Variants in XPNPEP3 observed in about 807,000 individuals in gnomAD.
XPNPEP3 encodes xaa-Pro aminopeptidase 3.
In XPNPEP3, 41 loss-of-function variants were observed where a neutral mutation model predicts 60.0. That is an observed-to-expected ratio of 0.68 (90% confidence interval 0.53 to 0.89). The LOEUF is 0.89. XPNPEP3 is among the 40% of genes least tolerant of loss of function. The probability of loss-of-function intolerance (pLI) is 0.00; values close to 1 mark genes in which losing one functional copy is unlikely to be tolerated. For missense variants in XPNPEP3, 598 were observed against 638.9 expected, an observed-to-expected ratio of 0.94 and a Z score of 0.69; for synonymous variants, 212 against 223.2, an observed-to-expected ratio of 0.95 and a Z score of 0.45.
At chr22:40,904,582 A>G (rs758110384) in intron 4 of XPNPEP3, among the ~76,000 whole-genome samples, 2 of 152,118 alleles carry the variant, frequency 1.3e-5, no homozygotes, top group African/African-American at 2.4e-5. Flanking sequence ...CATGACAACA[A>G]TTATCTATGC....
intron 2 of XPNPEP3, among the ~76,000 whole-genome samples, chr22:40,870,745 G>A (rs751441408): frequency 1.3e-5 from 2 of 152,106 alleles, no homozygotes; most frequent in Non-Finnish European, 2.9e-5. Context: ...GGGGCCGGGC[G>A]CAGTGGCTCA....
chr22:40,857,842 C>T (rs1301614229), intron 1 of XPNPEP3, among the ~76,000 whole-genome samples: 2 of 152,124 alleles, frequency 1.3e-5, no homozygotes, highest in Non-Finnish European at 2.9e-5. Context: ...GCGGATCTGC[C>T]ATTGGATCGT....
Position 40,927,669 on chromosome 22 carries a change from T to C in XPNPEP3, c.*1234T>C, listed in dbSNP as rs1756354671. On this transcript the variant is annotated 3_prime_UTR_variant, in exon 10 of 10. Coordinates refer to ENST00000357137, the MANE Select transcript of XPNPEP3 (RefSeq NM_022098.4). Reference sequence around the variant, plus strand: ...GTGGGCGGATCACGAGGTCAGGAGATTGAGACCTCCTGGCTAACACGGTGA... The same window carrying C: ...GTGGGCGGATCACGAGGTCAGGAGACTGAGACCTCCTGGCTAACACGGTGA... 1.3e-5 allele frequency: 2 copies of C among 151,554 alleles called. No individual in the cohort carries two copies. Among genetic ancestry groups the C allele is most frequent in the Admixed American group, 1.3e-4 (2 of 15,208 alleles). The allele number at this position is 151,554 out of a possible 1,614,324, so 9.4% of individuals were successfully genotyped here. A position where few individuals can be genotyped will look rare whatever the true frequency, so the allele number is the denominator to read the frequency against.
In XPNPEP3 at chr22:40,927,892, A is replaced by AG. The variant is rs1491230222; in HGVS notation, c.*1458dup. ...TCCGTCTCAAAAAAAAAAAAAAAAA[A>AG]GAAAAAAAAAAGAAAGATTTCTTTC... On this transcript the variant is annotated 3_prime_UTR_variant, in exon 10 of 10. Transcript: ENST00000357137. 1.3e-5 allele frequency: 2 copies of AG among 151,460 alleles called. No individual in the cohort carries two copies. Among genetic ancestry groups the AG allele is most frequent in the African/African-American group, 2.4e-5 (1 of 41,260 alleles). 9.4% of individuals were successfully genotyped at this position (151,460 alleles called of 1,614,324 possible). A position where few individuals can be genotyped will look rare whatever the true frequency, so the allele number is the denominator to read the frequency against.
intron 8 of XPNPEP3, 59 bp downstream of exon 8, chr22:40,922,572 A>T (rs548968513): frequency 6.3e-7 from 1 of 1,583,800 alleles, no homozygotes; most frequent in African/African-American, 1.3e-5. Context: ...CTAGGTTTTT[A>T]CCCTATATAA....
chr22:40,891,179 C>CAAAAA (rs989825018), intron 4 of XPNPEP3, among the ~76,000 whole-genome samples: 17 of 43,940 alleles, frequency 3.9e-4, no homozygotes, highest in African/African-American at 1.6e-3. Context: ...CCCATTTCTA[C>CAAAAA]AAAAAAAAAA....
intron 1 of XPNPEP3, among the ~76,000 whole-genome samples, chr22:40,865,020 G>A (rs2057971131): frequency 6.6e-6 from 1 of 152,210 alleles, no homozygotes; most frequent in African/African-American, 2.4e-5. Context: ...TTTCAGTGGA[G>A]TGTAAAGTTA....
At chr22:40,914,701 T>C (rs1244178600) in intron 7 of XPNPEP3, among the ~76,000 whole-genome samples, 2 of 151,868 alleles carry the variant, frequency 1.3e-5, no homozygotes, top group Non-Finnish European at 2.9e-5. Flanking sequence ...GCTGGGACTA[T>C]AGGCACATTG....
intron 4 of XPNPEP3, among the ~76,000 whole-genome samples, chr22:40,904,846 C>T (rs555153974): frequency 6.6e-6 from 1 of 152,162 alleles, no homozygotes; most frequent in East Asian, 1.9e-4. Flanking sequence ...CTCACTGCCA[C>T]CTCCACCTTC....
intron 1 of XPNPEP3, chr22:40,862,280 A>G (rs2057954929): frequency 1.8e-6 from 2 of 1,112,458 alleles, no homozygotes; most frequent in African/African-American, 1.6e-5. Context: ...ACCATCCTGA[A>G]TCCTCTGGAC....
At chr22:40,906,169 G>A (rs943043371) in intron 4 of XPNPEP3, among the ~76,000 whole-genome samples, 17 of 152,064 alleles carry the variant, frequency 1.1e-4, no homozygotes, top group Non-Finnish European at 2.5e-4. Context: ...TCGAGCTCCT[G>A]AGCTCAAGCG....
At chr22:40,868,516 C>T (rs1051175831) in intron 1 of XPNPEP3, among the ~76,000 whole-genome samples, 2 of 151,650 alleles carry the variant, frequency 1.3e-5, no homozygotes, top group African/African-American at 4.9e-5. Context: ...TTTCTGTTTT[C>T]CTAAGGCCCA....
At chr22:40,864,599 C>T (rs911904048) in intron 1 of XPNPEP3, among the ~76,000 whole-genome samples, 1 of 152,014 alleles carries the variant, frequency 6.6e-6, no homozygotes, top group Non-Finnish European at 1.5e-5. Context: ...GCATGCACCA[C>T]CACGCCCGGC....
At chr22:40,895,625 G>A (rs543134398) in intron 4 of XPNPEP3, among the ~76,000 whole-genome samples, 2 of 151,792 alleles carry the variant, frequency 1.3e-5, no homozygotes, top group East Asian at 1.9e-4. Context: ...ATGAGCCACC[G>A]CACCCGGCCC....
At chr22:40,861,527 T>C (rs764328412) in intron 1 of XPNPEP3, 2 of 1,613,904 alleles carry the variant, frequency 1.2e-6, no homozygotes, top group Non-Finnish European at 1.7e-6. Flanking sequence ...GTGATGTATA[T>C]CCTGTATCAT....
At chr22:40,871,851 A>G (rs1466228084) in intron 2 of XPNPEP3, among the ~76,000 whole-genome samples, 11 of 152,056 alleles carry the variant, frequency 7.2e-5, no homozygotes, top group Admixed American at 7.2e-4. Flanking sequence ...TGGCCAACAT[A>G]GTGAAATCCC....
chr22:40,886,662 A>T (rs1208479427), intron 4 of XPNPEP3, 147 bp downstream of exon 4: 6 of 680,106 alleles, frequency 8.8e-6, no homozygotes, highest in African/African-American at 1.8e-5. Context: ...CGTCTCTACT[A>T]AAAAAACATA....
At chr22:40,880,787 CA>C (rs35246385) in intron 2 of XPNPEP3, among the ~76,000 whole-genome samples, 2,939 of 74,718 alleles carry the variant, frequency 0.039, 84 homozygotes, top group African/African-American at 0.12. Flanking sequence ...GACTCCCTCT[CA>C]AAAAAAAAAA....
rs576602572 is a variant in XPNPEP3 at position 40,881,671 on chromosome 22, T to C, written c.182-99T>C. 195 of 1,400,458 alleles carry C rather than the reference T, an allele frequency of 1.4e-4. 3 individuals are homozygous for C. In the South Asian group the frequency reaches 2.1e-3, roughly 15 times the overall value. 86.8% of individuals were successfully genotyped at this position (1,400,458 alleles called of 1,614,324 possible). On this transcript the variant is annotated intron_variant, in intron 2 of 9. Coordinates refer to ENST00000357137, the MANE Select transcript of XPNPEP3 (RefSeq NM_022098.4). ...TGCTGTGAGGAGATTTGGCATAAATTGAACAATTGGACTTGAGTATTTCCA... is the reference window on the plus strand; with the variant it reads ...TGCTGTGAGGAGATTTGGCATAAATCGAACAATTGGACTTGAGTATTTCCA...
Sources: allele counts gnomAD v4.1 joint callset (sites outside exome capture counted in the v4.1 genomes callset), GRCh38; gene constraint gnomAD v4.1.1; transcripts MANE v1.5; gene names NCBI Gene and HGNC (gene_info 2026-07-23, HGNC 2026-07-21).